RAP1GAP2: variants seen among roughly 807,000 people sequenced by gnomAD.
RAP1GAP2 encodes rap1 GTPase-activating protein 2.
In RAP1GAP2, 27 loss-of-function variants were observed where a neutral mutation model predicts 95.0. That is an observed-to-expected ratio of 0.28 (90% CI 0.21 to 0.39). The LOEUF is 0.39. Among genes scored for constraint, RAP1GAP2 ranks in the 10% least tolerant of loss-of-function variants. The probability of loss-of-function intolerance (pLI) is 1.00; values close to 1 mark genes in which losing one functional copy is unlikely to be tolerated. For synonymous variants in RAP1GAP2, 373 were observed against 380.9 expected (o/e 0.98, Z 0.24); for missense variants, 771 against 970.0 (o/e 0.79, Z 2.72).
rs2042041292 is a variant in RAP1GAP2, at chr17:2,902,072, T to G, written c.81-3212T>G. Among the ~76,000 whole-genome samples, 1 of 152,246 alleles carries G rather than the reference T, an allele frequency of 6.6e-6. No individual in the cohort carries two copies. The highest frequency in any genetic ancestry group is 6.5e-5 in the Admixed American group (1 of 15,284). On this transcript the variant is annotated intron_variant, in intron 2 of 24. Transcript: ENST00000254695. The surrounding 1 kb of genome is among the most constrained non-coding windows in gnomAD (Gnocchi z 4.1). ...AGGGCGACGCTCCCTCTGCAGGCTCTAGGGAAGAATCCTTCCTCGCCTCTT... is the reference window on the plus strand; with the variant it reads ...AGGGCGACGCTCCCTCTGCAGGCTCGAGGGAAGAATCCTTCCTCGCCTCTT...
At chr17:2,889,045 G>C (rs2073599702) in intron 2 of RAP1GAP2, among the ~76,000 whole-genome samples, 1 of 152,248 alleles carries the variant, frequency 6.6e-6, no homozygotes, top group Non-Finnish European at 1.5e-5. Flanking sequence ...GTAAACACAG[G>C]AGTGCAGATG....
intron 22 of RAP1GAP2, among the ~76,000 whole-genome samples, chr17:3,030,097 CATA>C (rs2047243853): frequency 1.4e-5 from 2 of 146,892 alleles, no homozygotes; most frequent in Admixed American, 6.9e-5. Context: ...TATAGATACA[CATA>C]ATATACATAT....
upstream of RAP1GAP2, among the ~76,000 whole-genome samples, chr17:2,775,371 G>A (rs1194169129): frequency 2.0e-5 from 3 of 151,948 alleles, no homozygotes; most frequent in African/African-American, 7.2e-5. Flanking sequence ...TGGGTGTGTG[G>A]GGACTCTGGA....
intron 11 of RAP1GAP2, among the ~76,000 whole-genome samples, chr17:2,987,665 G>A (rs1234610147): frequency 6.6e-6 from 1 of 151,976 alleles, no homozygotes; most frequent in African/African-American, 2.4e-5. Context: ...CCAGCAACAT[G>A]CATTTATTTT....
At chr17:2,987,350 A>G (rs935918008) in intron 11 of RAP1GAP2, among the ~76,000 whole-genome samples, 1 of 152,106 alleles carries the variant, frequency 6.6e-6, no homozygotes, top group Admixed American at 6.5e-5. Flanking sequence ...ACTTACATAC[A>G]TTTATTTTTT....
intron 8 of RAP1GAP2, among the ~76,000 whole-genome samples, chr17:2,970,931 A>T (rs535052465): frequency 1.3e-4 from 20 of 152,236 alleles, no homozygotes; most frequent in African/African-American, 4.8e-4. Context: ...GCTACTCAGG[A>T]GGCTGAGGCA....
chr17:2,997,318 C>T (rs911310599), intron 13 of RAP1GAP2, among the ~76,000 whole-genome samples: 47 of 152,200 alleles, frequency 3.1e-4, no homozygotes, highest in African/African-American at 1.1e-3. Context: ...AGGAAGCCCT[C>T]TCAGGTTGCT....
At chr17:3,011,538 G>A (rs530127002) in intron 17 of RAP1GAP2, among the ~76,000 whole-genome samples, 44 of 151,866 alleles carry the variant, frequency 2.9e-4, no homozygotes, top group Non-Finnish European at 7.4e-5. Context: ...TCCTGGGATC[G>A]CTCTTGAAAC....
intron 14 of RAP1GAP2, among the ~76,000 whole-genome samples, chr17:3,000,141 G>T (rs1407646986): frequency 6.6e-6 from 1 of 152,266 alleles, no homozygotes; most frequent in Non-Finnish European, 1.5e-5. Flanking sequence ...TAGAGACGGG[G>T]TTTCTCCATG....
In RAP1GAP2 at chr17:2,963,774, G is replaced by A; in HGVS notation, c.280-82G>A. On this transcript the variant is annotated intron_variant, in intron 6 of 24. Coordinates refer to ENST00000254695, the MANE Select transcript of RAP1GAP2 (RefSeq NM_015085.5). The surrounding 1 kb of genome is among the most constrained non-coding windows in gnomAD (Gnocchi z 4.8). ...TGGGTACCAGGCCCCACTCCTGGGA[G>A]CAGCGCAGAGGGGACACCGCCACCG... 1.6e-6 allele frequency: 2 copies of A among 1,246,014 alleles called. No individual in the cohort carries two copies. The highest frequency in any genetic ancestry group is 2.2e-6 in the Non-Finnish European group (2 of 901,384). 77.2% of individuals were successfully genotyped at this position (1,246,014 alleles called of 1,614,324 possible). A position where few individuals can be genotyped will look rare whatever the true frequency, so the allele number is the denominator to read the frequency against.
At chr17:2,759,883 G>C (rs1308017113) in intron 1 of RAP1GAP2, among the ~76,000 whole-genome samples, 2 of 152,158 alleles carry the variant, frequency 1.3e-5, no homozygotes, top group East Asian at 3.9e-4. Flanking sequence ...CCTGGCCCAT[G>C]GTTGGATATA....
intron 2 of RAP1GAP2, among the ~76,000 whole-genome samples, chr17:2,873,048 A>C (rs1245886162): frequency 6.7e-6 from 1 of 150,322 alleles, no homozygotes; most frequent in African/African-American, 2.5e-5. Context: ...GGTTGCAGTG[A>C]GCTGAGATTG....
rs1567727405 is a variant in RAP1GAP2 at position 2,871,458 on chromosome 17, T to G, written c.81-33826T>G. ...GGGGCGCACTCTGGTCAGAGTGGTG[T>G]TGTGTTACAAGAGTCCTGTCCAGCG... On this transcript the variant is annotated intron_variant, in intron 2 of 24. Transcript: ENST00000254695. The surrounding 1 kb of genome is among the most constrained non-coding windows in gnomAD (Gnocchi z 5.0). Among the ~76,000 whole-genome samples, 1 of 152,064 alleles carries G rather than the reference T, an allele frequency of 6.6e-6. No individual in the cohort carries two copies. The highest frequency in any genetic ancestry group is 1.5e-5 in the Non-Finnish European group (1 of 68,012).
At chr17:2,848,404 T>A (rs1033181191) in intron 2 of RAP1GAP2, among the ~76,000 whole-genome samples, 3 of 152,108 alleles carry the variant, frequency 2.0e-5, no homozygotes, top group Admixed American at 2.0e-4. Flanking sequence ...GATGGACCTC[T>A]TGGGGGCTGG....
intron 3 of RAP1GAP2, among the ~76,000 whole-genome samples, chr17:2,911,106 CT>C (rs1353434201): frequency 2.0e-5 from 3 of 152,180 alleles, no homozygotes; most frequent in Non-Finnish European, 4.4e-5. Context: ...TCTTGTGGCT[CT>C]CCCACTGGGA....
chr17:2,905,389 A>G (rs1242401527), intron 3 of RAP1GAP2, 21 bp downstream of exon 3: 1 of 1,610,220 alleles, frequency 6.2e-7, no homozygotes, highest in South Asian at 1.1e-5. Flanking sequence ...TCGATTCAGG[A>G]AGGCAGGGAG....
At position 2,906,872 on chromosome 17, in the gene RAP1GAP2, G is replaced by T. The variant is rs112680309; in HGVS notation, c.165+1504G>T. The stretch of plus-strand genomic sequence containing the variant: ...TTTGTATTAGTTAGGACTCTTGGTT[G>T]TAAGTGACAGAAACATAACTCACTC... On this transcript the variant is annotated intron_variant, in intron 3 of 24. Transcript: ENST00000254695. This position sits in a 1 kb window ranked among gnomAD's most constrained non-coding sequence, Gnocchi z 4.3. Among the ~76,000 whole-genome samples, 2,131 of 152,210 alleles carry T rather than the reference G, an allele frequency of 0.014. 45 individuals carry two copies. The highest frequency in any genetic ancestry group is 0.047 in the African/African-American group (1,941 of 41,508).
At chr17:2,921,571 G>T (rs1409691075) in intron 3 of RAP1GAP2, among the ~76,000 whole-genome samples, 1 of 152,082 alleles carries the variant, frequency 6.6e-6, no homozygotes, top group African/African-American at 2.4e-5. Flanking sequence ...GGCCGTTAAA[G>T]TGTCCGCAGG....
At chr17:2,796,329 C>T (rs2069080171), upstream of RAP1GAP2, 1 of 619,150 alleles carries the variant, frequency 1.6e-6, no homozygotes, top group African/African-American at 1.8e-5. This position sits in a 1 kb window ranked among gnomAD's most constrained non-coding sequence, Gnocchi z 4.7. Flanking sequence ...TTGGTGCCTC[C>T]TGGAGTGCAG....
Sources: gnomAD v4.1 joint callset for allele counts (sites outside exome capture counted in the v4.1 genomes callset) on GRCh38, gnomAD v4.1.1 for gene constraint, Gnocchi (gnomAD v3.1) non-coding constraint, MANE v1.5 for transcripts, NCBI Gene and HGNC (gene_info 2026-07-23, HGNC 2026-07-21) for gene names.